Variants in LYST observed in about 807,000 individuals in gnomAD.
The protein encoded by LYST is lysosomal trafficking regulator.
Under a neutral mutation model 413.6 loss-of-function variants are expected in LYST, and 192 were observed. That is an observed-to-expected ratio of 0.46 (90% CI 0.41 to 0.52). The LOEUF (loss-of-function observed/expected upper bound fraction) is 0.52. Among genes scored for constraint, LYST ranks in the 20% least tolerant of loss-of-function variants. LYST has a pLI of 0.00. For synonymous variants in LYST, 1,525 were observed against 1,567.3 expected (o/e 0.97, Z 0.64); for missense variants, 3,815 against 4,499.9 (o/e 0.85, Z 4.35).
In LYST at chr1:235,809,922, C is replaced by G; in HGVS notation, c.896G>C (p.Cys299Ser). 1 of 1,614,010 alleles carries G rather than the reference C, an allele frequency of 6.2e-7. No individual in the cohort carries two copies. The highest frequency in any genetic ancestry group is 2.2e-5 in the East Asian group (1 of 44,838). The change falls in exon 5 of 53, where the codon TGC becomes TCC. Residue 299 changes from cysteine (C) to serine (S), a missense_variant. This residue lies in a region of LYST where 1,648 missense variants were observed against 1,810.3 expected (regional missense o/e 0.91). Coordinates refer to ENST00000389793, the MANE Select transcript of LYST (RefSeq NM_000081.4). This position sits in a 1 kb window ranked among gnomAD's most constrained non-coding sequence, Gnocchi z 4.0. ...CTCCAAGTTGTCGCTCAGACTGCAGCAGTCCCCAAAGCCTGCTAGGAATTC... is the reference window on the plus strand; with the variant it reads ...CTCCAAGTTGTCGCTCAGACTGCAGGAGTCCCCAAAGCCTGCTAGGAATTC... Reference protein sequence around the residue: ...LTEFLAGFGDCCSLSDNLESR... With the variant: ...LTEFLAGFGDSCSLSDNLESR...
At chr1:235,868,553 T>C (rs1471038597), upstream of LYST, among the ~76,000 whole-genome samples, 2 of 152,140 alleles carry the variant, frequency 1.3e-5, no homozygotes, top group African/African-American at 4.8e-5. Context: ...AATAATAGAT[T>C]ATCATGATTT....
intron 50 of LYST, among the ~76,000 whole-genome samples, chr1:235,669,712 C>A (rs1033823009): frequency 6.6e-6 from 1 of 152,216 alleles, no homozygotes; most frequent in South Asian, 2.1e-4. Context: ...GATTCTATAT[C>A]CAGGCCCTTG....
At position 235,733,511 on chromosome 1, in the gene LYST, T is replaced by C; in HGVS notation, c.8793A>G (p.Thr2931=). ...GACCTCCCGCAGCTTACCTATCATG[T>C]GTCAGCTGCTGAATAAGTTCCTGCC... ...RHWQELIQQL[T]HDRAVWYDPI... The change falls in exon 34 of 53, where the codon ACA becomes ACG. Residue 2931 remains threonine, a synonymous_variant. Transcript: ENST00000389793. The C allele has an allele frequency of 6.2e-7, 1 of 1,613,592 alleles. No homozygotes were observed.
intron 50 of LYST, among the ~76,000 whole-genome samples, chr1:235,665,135 C>G (rs1389488056): frequency 6.6e-6 from 1 of 151,708 alleles, no homozygotes; most frequent in African/African-American, 2.4e-5. Context: ...AGACAATAAC[C>G]AGCGAAAAAA....
intron 1 of LYST, among the ~76,000 whole-genome samples, chr1:235,846,841 C>T (rs577424805): frequency 4.7e-4 from 71 of 151,886 alleles, no homozygotes; most frequent in African/African-American, 1.6e-3. Flanking sequence ...AAAAAGAATA[C>T]GAAAATATGA....
chr1:235,861,647 CAT>C (rs1679882455), intron 1 of LYST, among the ~76,000 whole-genome samples: 1 of 151,974 alleles, frequency 6.6e-6, no homozygotes, highest in Admixed American at 6.6e-5. Context: ...CTGATATATA[CAT>C]ATATATGTTT....
rs1338177259 is a variant in LYST at position 235,752,035 on chromosome 1, G to A, written c.7597C>T (p.Leu2533Phe). 2 of 1,610,466 alleles carry A rather than the reference G, an allele frequency of 1.2e-6. No individual in the cohort carries two copies. The highest frequency in any genetic ancestry group is 8.5e-7 in the Non-Finnish European group (1 of 1,177,500). The stretch of plus-strand genomic sequence containing the variant: ...GTCCTCTTGTTTTTGCTATTTTGAA[G>A]ATATCCAAGCATTACAATAAGGTCT... ...IEDLIVMLGY[L>F]QNSKNKRTQN... Residue 2533 changes from leucine (L) to phenylalanine (F), a missense_variant, in exon 27 of 53, where the codon CTT becomes TTT. Physicochemically the swap from Leu to Phe is conservative, Grantham distance 22. This residue lies in a region of LYST where 771 missense variants were observed against 837.1 expected (regional missense o/e 0.92). Transcript: ENST00000389793.
At chr1:235,757,899 T>C (rs867674806) in intron 23 of LYST, among the ~76,000 whole-genome samples, 4 of 150,762 alleles carry the variant, frequency 2.7e-5, no homozygotes, top group Non-Finnish European at 5.9e-5. Flanking sequence ...TTTTTTTTTT[T>C]CACCAAGGAA....
Position 235,792,250 on chromosome 1 carries a change from C to T in LYST, c.4117-125G>A, listed in dbSNP as rs1011605812. The T allele has an allele frequency of 7.6e-6, 5 of 655,886 alleles. No individual in the cohort carries two copies. In the African/African-American group the frequency reaches 9.1e-5, roughly 12 times the overall value. 40.6% of individuals were successfully genotyped at this position (655,886 alleles called of 1,614,324 possible). On this transcript the variant is annotated intron_variant, in intron 11 of 52. Coordinates refer to ENST00000389793, the MANE Select transcript of LYST (RefSeq NM_000081.4). Reference sequence around the variant, plus strand: ...ACATATCAGCATTCCTATTTAAATACCTTCCTATCTCCCACATCTTTAAAA... The same window carrying T: ...ACATATCAGCATTCCTATTTAAATATCTTCCTATCTCCCACATCTTTAAAA...
At chr1:235,865,133 C>T (rs1680355851) in intron 1 of LYST, among the ~76,000 whole-genome samples, 1 of 152,192 alleles carries the variant, frequency 6.6e-6, no homozygotes, top group South Asian at 2.1e-4. Context: ...TCAAACAAGC[C>T]CAGCACACAG....
chr1:235,715,265 G>C lies in LYST; in HGVS notation c.9720C>G (p.Ser3240Arg). 4 of 1,613,738 alleles carry C rather than the reference G, an allele frequency of 2.5e-6. No individual in the cohort carries two copies. Among genetic ancestry groups the C allele is most frequent in the Non-Finnish European group, 3.4e-6 (4 of 1,179,700 alleles). ...TGACCAGGAAGTGAAGCACAGTGCCGCTATTGGAATAGTGGGAGCCATAGT... is the reference window on the plus strand; with the variant it reads ...TGACCAGGAAGTGAAGCACAGTGCCCCTATTGGAATAGTGGGAGCCATAGT... ...PYHYGSHYSN[S>R]GTVLHFLVRM... is the part of the protein sequence containing the mutation. The change falls in exon 42 of 53, where the codon AGC becomes AGG. Residue 3240 changes from serine (S) to arginine (R), a missense_variant. Around this residue, in one of 4 missense-constraint regions of LYST, gnomAD observed 866 missense variants for 1,156.0 expected, o/e 0.75. Transcript: ENST00000389793.
intron 28 of LYST, among the ~76,000 whole-genome samples, chr1:235,749,145 T>C (rs1460531527): frequency 6.6e-6 from 1 of 152,190 alleles, no homozygotes; most frequent in African/African-American, 2.4e-5. Flanking sequence ...CAAATGGACT[T>C]GAATTAGTTT....
rs753756469 is a variant in LYST, at chr1:235,809,650, C to T, written c.1168G>A (p.Val390Met). 1 of 1,614,096 alleles carries T rather than the reference C, an allele frequency of 6.2e-7. No homozygotes were observed. Among genetic ancestry groups the T allele is most frequent in the South Asian group, 1.1e-5 (1 of 91,080 alleles). Residue 390 changes from valine to methionine, a missense_variant, in exon 5 of 53, where the codon GTG becomes ATG. This residue lies in a region of LYST where 1,648 missense variants were observed against 1,810.3 expected (regional missense o/e 0.91). Coordinates refer to ENST00000389793, the MANE Select transcript of LYST (RefSeq NM_000081.4). The surrounding 1 kb of genome is among the most constrained non-coding windows in gnomAD (Gnocchi z 4.0). ...KTLQEVQEDF[V>M]FSKYRHRALL... Reference sequence around the variant, plus strand: ...GCTCTATGACGATACTTTGAAAACACAAAATCTTCCTGAACCTCCTGCAGT... The same window carrying T: ...GCTCTATGACGATACTTTGAAAACATAAAATCTTCCTGAACCTCCTGCAGT...
chr1:235,774,902 T>C lies in LYST; in HGVS notation c.5634+11A>G, dbSNP rs373971587. ...TATGAAACTATAAGAATAAATTTTA[T>C]GAAGACATACCTTCAAAATGTAAAA... On this transcript the variant is annotated intron_variant, in intron 18 of 52. Transcript: ENST00000389793. 2.9e-4 allele frequency: 460 copies of C among 1,576,816 alleles called. No individual in the cohort carries two copies. The highest frequency in any genetic ancestry group is 3.6e-4 in the Non-Finnish European group (419 of 1,149,378).
intron 29 of LYST, among the ~76,000 whole-genome samples, chr1:235,744,450 T>C (rs1477143174): frequency 6.6e-6 from 1 of 152,162 alleles, no homozygotes; most frequent in Non-Finnish European, 1.5e-5. Flanking sequence ...ATTATACAAA[T>C]CAAACATAAA....
chr1:235,783,693 GA>G (rs1296895411), intron 14 of LYST, among the ~76,000 whole-genome samples: 5 of 152,040 alleles, frequency 3.3e-5, no homozygotes, highest in Non-Finnish European at 7.4e-5. Flanking sequence ...TTTTAAGGGT[GA>G]AAGAAAACCT....
Position 235,677,195 on chromosome 1 carries a change from G to T in LYST, c.10941-7C>A, listed in dbSNP as rs72761794. 8.2e-3 allele frequency: 13,088 copies of T among 1,587,792 alleles called. 87 individuals are homozygous for T. The highest frequency in any genetic ancestry group is 0.013 in the Middle Eastern group (76 of 6,000). On this transcript the variant is annotated splice_polypyrimidine_tract_variant and splice_region_variant and intron_variant, in intron 49 of 52. Transcript: ENST00000389793. The stretch of plus-strand genomic sequence containing the variant: ...ACTTTGTACATAGCATAACCTGAAA[G>T]AAAAAAGACATGAATTTGTATATGA...
In LYST at chr1:235,834,977, C is replaced by T. The variant is rs190614119; in HGVS notation, c.-97-1310G>A. 3.1e-3 allele frequency among the ~76,000 whole-genome samples: 468 copies of T among 151,996 alleles called. 2 individuals are homozygous for T. The highest frequency in any genetic ancestry group is 0.011 in the African/African-American group (439 of 41,430). ...TCGCCCAGGCTTGAGTGCAGTGGCG[C>T]GATCTCGGGTCACTGCAACAACCTC... On this transcript the variant is annotated intron_variant, in intron 1 of 52. Coordinates refer to ENST00000389793, the MANE Select transcript of LYST (RefSeq NM_000081.4).
chr1:235,664,393 TAAAA>T lies in LYST; in HGVS notation c.11195+68_11195+71del, dbSNP rs1310391985. 18 of 1,432,160 alleles carry T rather than the reference TAAAA, an allele frequency of 1.3e-5. No individual in the cohort carries two copies. The highest frequency in any genetic ancestry group is 1.7e-5 in the Non-Finnish European group (17 of 1,020,038). The allele number at this position is 1,432,160 out of a possible 1,614,324, so 88.7% of individuals were successfully genotyped here. On this transcript the variant is annotated intron_variant, in intron 51 of 52. Transcript: ENST00000389793. The surrounding 1 kb of genome is among the most constrained non-coding windows in gnomAD (Gnocchi z 4.5). ...ACTGAATATTAATATGCCTAGATAT[TAAAA>T]ATTAATTTCTGAAACTCCTGTGTCC... is the stretch of plus-strand genomic sequence containing the variant.
Sources: allele counts gnomAD v4.1 joint callset (sites outside exome capture counted in the v4.1 genomes callset), GRCh38; gene constraint gnomAD v4.1.1; regional missense constraint gnomAD v4.1.1; non-coding constraint Gnocchi (gnomAD v3.1); transcripts MANE v1.5; gene names NCBI Gene and HGNC (gene_info 2026-07-23, HGNC 2026-07-21).